The following NIPBL variants were observed in gnomAD, a reference collection of about 807,000 sequenced individuals.
NIPBL encodes the protein NIPBL cohesin loading factor.
NIPBL carries 19 observed loss-of-function variants against 321.8 expected under a neutral mutation model. The observed-to-expected ratio is 0.06, with a 90% CI of 0.04 to 0.09. NIPBL has a LOEUF of 0.09. NIPBL is among the 10% of genes least tolerant of loss of function. NIPBL has a pLI of 1.00. For missense variants in NIPBL, 2,210 were observed against 3,327.0 expected (o/e 0.66, Z 8.26); for synonymous variants, 1,106 against 1,114.1 (o/e 0.99, Z 0.14).
chr5:36,959,032 C>A (rs977664570), intron 4 of NIPBL, among the ~76,000 whole-genome samples: 1 of 152,076 alleles, frequency 6.6e-6, no homozygotes, highest in East Asian at 1.9e-4. Flanking sequence ...ATGGTGAAAA[C>A]CTGTCTCTAC....
At chr5:36,998,565 A>G (rs1271748594) in intron 11 of NIPBL, among the ~76,000 whole-genome samples, 1 of 152,088 alleles carries the variant, frequency 6.6e-6, no homozygotes, top group Non-Finnish European at 1.5e-5. Flanking sequence ...TAATACCAAC[A>G]CTTTGGGAGG....
chr5:36,952,525 G>T (rs966418594), intron 1 of NIPBL, among the ~76,000 whole-genome samples: 1 of 152,104 alleles, frequency 6.6e-6, no homozygotes, highest in Non-Finnish European at 1.5e-5. Flanking sequence ...ACCAAGTACT[G>T]TTAAAGGAAA....
chr5:36,921,631 T>C (rs1163793260), intron 1 of NIPBL, among the ~76,000 whole-genome samples: 1 of 152,170 alleles, frequency 6.6e-6, no homozygotes, highest in Non-Finnish European at 1.5e-5. Context: ...AGGATTTTAG[T>C]TTGCCTTCAG....
intron 25 of NIPBL, 101 bp from the exon 26 acceptor site, chr5:37,020,358 T>A (rs975418423): frequency 1.2e-6 from 1 of 831,370 alleles, no homozygotes; most frequent in South Asian, 1.5e-5. Flanking sequence ...TAAAGTAAAC[T>A]TTAATATTTG....
At chr5:37,061,170 T>C (rs1192597011) in intron 45 of NIPBL, 152 bp downstream of exon 45, 10 of 636,074 alleles carry the variant, frequency 1.6e-5, no homozygotes, top group African/African-American at 3.7e-5. Context: ...TTTTAATGAG[T>C]TACTTTAAGC....
At chr5:37,055,325 T>C (rs1190748975) in intron 42 of NIPBL, among the ~76,000 whole-genome samples, 1 of 137,100 alleles carries the variant, frequency 7.3e-6, no homozygotes, top group African/African-American at 2.9e-5. Context: ...GCACTCCAGC[T>C]GAGCGACAGA....
chr5:37,019,254 G>A (rs1749350555), intron 24 of NIPBL, 57 bp from the exon 25 acceptor site: 1 of 1,110,590 alleles, frequency 9.0e-7, no homozygotes, highest in Non-Finnish European at 1.4e-6. Flanking sequence ...ACAATTAGGT[G>A]ATTTATTAAA....
chr5:37,033,118 T>A (rs1751257737), intron 32 of NIPBL, among the ~76,000 whole-genome samples: 1 of 152,162 alleles, frequency 6.6e-6, no homozygotes. Context: ...CTTGAATGAT[T>A]ACTTATAATA....
At chr5:36,994,662 A>G (rs542349295) in intron 10 of NIPBL, among the ~76,000 whole-genome samples, 2 of 152,264 alleles carry the variant, frequency 1.3e-5, no homozygotes, top group South Asian at 4.1e-4. Flanking sequence ...ACTCAAAGTA[A>G]GTAAAGGAAG....
At chr5:36,921,437 C>G (rs181505957) in intron 1 of NIPBL, among the ~76,000 whole-genome samples, 1 of 152,316 alleles carries the variant, frequency 6.6e-6, no homozygotes, top group East Asian at 1.9e-4. Context: ...TGTTGTCTTA[C>G]AATTCTGTGC....
intron 9 of NIPBL, among the ~76,000 whole-genome samples, chr5:36,982,657 A>G (rs1390780483): frequency 1.3e-5 from 2 of 151,794 alleles, no homozygotes; most frequent in African/African-American, 4.8e-5. Flanking sequence ...ATTTCTTTGA[A>G]ATTAACTTAC....
intron 32 of NIPBL, among the ~76,000 whole-genome samples, chr5:37,030,055 A>G (rs973056646): frequency 6.6e-6 from 1 of 152,212 alleles, no homozygotes; most frequent in Admixed American, 6.5e-5. Context: ...AATTCAATGT[A>G]ATTATCAGAA....
intron 10 of NIPBL, among the ~76,000 whole-genome samples, chr5:36,988,486 T>C (rs1323657511): frequency 6.6e-6 from 1 of 152,190 alleles, no homozygotes; most frequent in African/African-American, 2.4e-5. Context: ...TTTATTTATG[T>C]CTTAGGATCC....
In NIPBL at chr5:37,064,893, T is replaced by C; in HGVS notation, c.*1T>C. The C allele has an allele frequency of 6.2e-7, 1 of 1,614,144 alleles. No homozygotes were observed. Among genetic ancestry groups the C allele is most frequent in the Non-Finnish European group, 8.5e-7 (1 of 1,180,014 alleles). On this transcript the variant is annotated 3_prime_UTR_variant, in exon 47 of 47. Transcript: ENST00000282516. ...CGCCAAGGATGGGACTTCCAGCTAA[T>C]GAATTTGTACATGCAGCCAAATTTA...
intron 9 of NIPBL, among the ~76,000 whole-genome samples, chr5:36,983,216 T>C (rs745967111): frequency 6.6e-6 from 1 of 151,882 alleles, no homozygotes; most frequent in African/African-American, 2.4e-5. Flanking sequence ...TATTATACTT[T>C]AGAATTAAAA....
At chr5:36,964,616 G>A (rs1373294940) in intron 6 of NIPBL, among the ~76,000 whole-genome samples, 1 of 152,096 alleles carries the variant, frequency 6.6e-6, no homozygotes, top group African/African-American at 2.4e-5. Context: ...ATGTTGGTCT[G>A]TGCAAAATAC....
Position 36,971,984 on chromosome 5 carries a change from C to T in NIPBL, c.811C>T (p.Pro271Ser), listed in dbSNP as rs1742896756. 6.2e-7 allele frequency: 1 copy of T among 1,613,244 alleles called. No individual in the cohort carries two copies. Among genetic ancestry groups the T allele is most frequent in the Non-Finnish European group, 8.5e-7 (1 of 1,179,586 alleles). The change falls in exon 8 of 47, where the codon CCC becomes TCC. Residue 271 changes from proline to serine, a missense_variant. By Grantham distance (74) the Pro-to-Ser change is moderately conservative. This residue lies in a region of NIPBL where 464 missense variants were observed against 529.5 expected (regional missense o/e 0.88). Coordinates refer to ENST00000282516, the MANE Select transcript of NIPBL (RefSeq NM_133433.4). ...AACAATGAGGAATGCTGCATCTTTTCCCTTGAGATCTCCACAGCCAGTATG... is the reference window on the plus strand; with the variant it reads ...AACAATGAGGAATGCTGCATCTTTTTCCTTGAGATCTCCACAGCCAGTATG... ...SSTMRNAASF[P>S]LRSPQPVCSP...
At chr5:36,878,220 T>C (rs947522492) in intron 1 of NIPBL, among the ~76,000 whole-genome samples, 4 of 152,230 alleles carry the variant, frequency 2.6e-5, no homozygotes, top group Non-Finnish European at 5.9e-5. Flanking sequence ...GTCAGGGCAG[T>C]TCTTCTTGAG....
intron 1 of NIPBL, among the ~76,000 whole-genome samples, chr5:36,883,539 A>C (rs1745659263): frequency 7.9e-6 from 1 of 127,282 alleles, no homozygotes; most frequent in Non-Finnish European, 1.6e-5. Flanking sequence ...CATTAAAACT[A>C]ACAAATGTCT....
Sources: gnomAD v4.1 joint callset for allele counts (sites outside exome capture counted in the v4.1 genomes callset) on GRCh38, gnomAD v4.1.1 for gene constraint, gnomAD v4.1.1 regional missense constraint, MANE v1.5 for transcripts, NCBI Gene and HGNC (gene_info 2026-07-23, HGNC 2026-07-21) for gene names.